MECOM: variants seen among roughly 807,000 people sequenced by gnomAD.
The protein encoded by MECOM is MDS1 and EVI1 complex locus, also known as histone-lysine N-methyltransferase MECOM.
In MECOM, 13 loss-of-function variants were observed where a neutral mutation model predicts 116.3. The observed-to-expected ratio is 0.11, with a 90% CI of 0.07 to 0.18. MECOM has a LOEUF of 0.18. Ranked by LOEUF, MECOM falls within the 10% of genes least tolerant of loss-of-function variation. The pLI is 1.00. For synonymous variants in MECOM, 528 were observed against 535.2 expected (o/e 0.99, Z 0.19); for missense variants, 1,299 against 1,509.0 (o/e 0.86, Z 2.31).
chr3:169,233,693 G>T (rs950989897), intron 2 of MECOM, among the ~76,000 whole-genome samples: 3 of 152,008 alleles, frequency 2.0e-5, no homozygotes, highest in Admixed American at 2.0e-4. Flanking sequence ...TGGGTTTTGG[G>T]AAAGATGACA....
At chr3:169,145,167 C>G in intron 2 of MECOM, 1 of 493,060 alleles carries the variant, frequency 2.0e-6, no homozygotes. Flanking sequence ...CACACACACA[C>G]ACACACACAC....
At chr3:169,647,265 C>A (rs1335193841) in intron 1 of MECOM, among the ~76,000 whole-genome samples, 2 of 152,216 alleles carry the variant, frequency 1.3e-5, no homozygotes, top group Non-Finnish European at 2.9e-5. Context: ...GTCTCCAGAG[C>A]GCTCATCTCT....
intron 1 of MECOM, among the ~76,000 whole-genome samples, chr3:169,637,434 G>A (rs1213142350): frequency 6.6e-6 from 1 of 152,192 alleles, no homozygotes; most frequent in Non-Finnish European, 1.5e-5. Context: ...ACTGTGGATA[G>A]CAGAATCTAC....
intron 2 of MECOM, among the ~76,000 whole-genome samples, chr3:169,225,425 AC>A (rs1285669752): frequency 6.6e-6 from 1 of 152,110 alleles, no homozygotes; most frequent in Non-Finnish European, 1.5e-5. Context: ...ATTATTTGTG[AC>A]TTTTGAAGCA....
intron 2 of MECOM, among the ~76,000 whole-genome samples, chr3:169,153,649 C>A (rs966269878): frequency 6.6e-6 from 1 of 152,126 alleles, no homozygotes; most frequent in Admixed American, 6.6e-5. Flanking sequence ...TCTAAGAGTG[C>A]TTTTAGACTC....
chr3:169,542,600 C>A (rs1387818229), intron 1 of MECOM, among the ~76,000 whole-genome samples: 1 of 152,156 alleles, frequency 6.6e-6, no homozygotes, highest in Non-Finnish European at 1.5e-5. Context: ...CCCCTGACTT[C>A]TTTTTTATTC....
At chr3:169,315,866 G>A (rs151302885) in intron 2 of MECOM, among the ~76,000 whole-genome samples, 1 of 152,122 alleles carries the variant, frequency 6.6e-6, no homozygotes, top group East Asian at 1.9e-4. Flanking sequence ...ATATTTCATT[G>A]CTAGATGCTA....
In MECOM at chr3:169,149,719, A is replaced by G. The variant is rs756664097; in HGVS notation, c.376-5887T>C. The G allele has an allele frequency of 1.1e-4, 53 of 463,862 alleles. No individual in the cohort carries two copies. In the Admixed American group the frequency reaches 1.2e-3, roughly 11 times the overall value. The allele number at this position is 463,862 out of a possible 1,614,324, so 28.7% of individuals were successfully genotyped here. ...CTTCTCTTCCCCAAATACAACCAAG[A>G]GTGAACGCTTACCCTCCGAGACCTT... is the stretch of plus-strand genomic sequence containing the variant. On this transcript the variant is annotated intron_variant, in intron 2 of 16. Transcript: ENST00000651503.
intron 1 of MECOM, among the ~76,000 whole-genome samples, chr3:169,418,446 A>G (rs1201595749): frequency 2.0e-5 from 3 of 152,200 alleles, no homozygotes. Flanking sequence ...GACACAACAA[A>G]AAAACAAAAT....
intron 2 of MECOM, among the ~76,000 whole-genome samples, chr3:169,255,267 G>A (rs562644195): frequency 2.6e-4 from 39 of 152,248 alleles, no homozygotes; most frequent in Non-Finnish European, 4.7e-4. Context: ...TTTGTGAGCT[G>A]AGTAGTATCC....
At chr3:169,602,706 T>C (rs1019754139) in intron 1 of MECOM, among the ~76,000 whole-genome samples, 2 of 152,012 alleles carry the variant, frequency 1.3e-5, no homozygotes, top group Non-Finnish European at 2.9e-5. Context: ...AAATATTTAG[T>C]CAAAAAGAAA....
chr3:169,441,188 G>A (rs764059390), intron 1 of MECOM, among the ~76,000 whole-genome samples: 1 of 152,132 alleles, frequency 6.6e-6, no homozygotes, highest in Non-Finnish European at 1.5e-5. Context: ...CAGAGTCCAT[G>A]GCCCTCCAGG....
At chr3:169,454,618 C>G (rs1380882281) in intron 1 of MECOM, among the ~76,000 whole-genome samples, 3 of 151,998 alleles carry the variant, frequency 2.0e-5, no homozygotes, top group African/African-American at 4.8e-5. Flanking sequence ...AGTTCATGAT[C>G]TTTATTTTGG....
intron 2 of MECOM, among the ~76,000 whole-genome samples, chr3:169,291,657 G>T (rs966854300): frequency 2.0e-5 from 3 of 152,190 alleles, no homozygotes; most frequent in Admixed American, 2.0e-4. Context: ...TATAGTCATT[G>T]TTATAGCATC....
intron 2 of MECOM, among the ~76,000 whole-genome samples, chr3:169,269,751 G>A (rs1391810841): frequency 6.6e-6 from 1 of 152,120 alleles, no homozygotes; most frequent in African/African-American, 2.4e-5. Flanking sequence ...TCTTCAGCAG[G>A]TGCTTGAATC....
At chr3:169,096,052 T>C (rs1721346145) in intron 12 of MECOM, among the ~76,000 whole-genome samples, 1 of 152,122 alleles carries the variant, frequency 6.6e-6, no homozygotes, top group African/African-American at 2.4e-5. Flanking sequence ...AAATCATAAA[T>C]TATTTTTAAA....
intron 2 of MECOM, among the ~76,000 whole-genome samples, chr3:169,165,781 T>G (rs1159435827): frequency 1.3e-5 from 2 of 152,224 alleles, no homozygotes; most frequent in South Asian, 4.1e-4. Context: ...TTTTTCACTC[T>G]CTTTCCTAAA....
chr3:169,261,934 G>A (rs1757611064), intron 2 of MECOM, among the ~76,000 whole-genome samples: 2 of 152,190 alleles, frequency 1.3e-5, no homozygotes, highest in Admixed American at 6.5e-5. Context: ...TAGCTACAAA[G>A]AGGCCATTTT....
chr3:169,571,153 C>G (rs1267981092), intron 1 of MECOM, among the ~76,000 whole-genome samples: 1 of 152,166 alleles, frequency 6.6e-6, no homozygotes, highest in Non-Finnish European at 1.5e-5. Flanking sequence ...TCTCAGGATA[C>G]AAAATCAATG....
Sources: gnomAD v4.1 joint callset for allele counts (sites outside exome capture counted in the v4.1 genomes callset) on GRCh38, gnomAD v4.1.1 for gene constraint, MANE v1.5 for transcripts, NCBI Gene and HGNC (gene_info 2026-07-23, HGNC 2026-07-21) for gene names.